SRSF11: variants seen among roughly 807,000 people sequenced by gnomAD.
The protein encoded by SRSF11 is serine and arginine rich splicing factor 11, also known as serine/arginine-rich splicing factor 11.
In SRSF11, 9 loss-of-function variants were observed where a neutral mutation model predicts 56.0. The ratio of observed to expected loss-of-function variants is 0.16; its 90% CI spans 0.10 to 0.28. The LOEUF (loss-of-function observed/expected upper bound fraction) is 0.28. SRSF11 is among the 10% of genes least tolerant of loss of function. The probability of loss-of-function intolerance (pLI) is 1.00; values close to 1 mark genes in which losing one functional copy is unlikely to be tolerated. For missense variants in SRSF11, 421 were observed against 600.7 expected (o/e 0.70, Z 3.13); for synonymous variants, 222 against 215.3 (o/e 1.03, Z -0.27).
rs576520376 is a variant in SRSF11 at position 70,232,744 on chromosome 1, T to C, written c.447+367T>C. ...CACAAGTGAGCCCTTCATTTTTTTT[T>C]CCTTCCCCTTTATCTTTTCCTGTTA... is the stretch of plus-strand genomic sequence containing the variant. On this transcript the variant is annotated intron_variant, in intron 3 of 11. Coordinates refer to ENST00000370949, the MANE Select transcript of SRSF11 (RefSeq NM_001350605.2). Among the ~76,000 whole-genome samples the C allele has an allele frequency of 2.0e-5, 3 of 152,294 alleles. No individual in the cohort carries two copies. The East Asian group carries it at 5.8e-4, about 29-fold the overall frequency.
intron 1 of SRSF11, among the ~76,000 whole-genome samples, chr1:70,223,793 C>T (rs571771480): frequency 3.3e-5 from 5 of 152,276 alleles, no homozygotes; most frequent in African/African-American, 4.8e-5. Context: ...GCACAAGTTG[C>T]ATATAGTTCC....
chr1:70,232,523 G>C, intron 3 of SRSF11, 146 bp downstream of exon 3: 1 of 619,686 alleles, frequency 1.6e-6, no homozygotes, highest in Non-Finnish European at 2.8e-6. Flanking sequence ...AAATAGTATA[G>C]AAGATCTCTT....
chr1:70,237,156 A>C (rs1674297892), intron 5 of SRSF11, among the ~76,000 whole-genome samples: 1 of 152,140 alleles, frequency 6.6e-6, no homozygotes, highest in South Asian at 2.1e-4. Context: ...CATTTCTAAA[A>C]ATGTGTTTGT....
Position 70,249,960 on chromosome 1 carries a change from G to A in SRSF11, c.1031G>A (p.Arg344Gln), listed in dbSNP as rs1376971005. 19 of 1,613,908 alleles carry A rather than the reference G, an allele frequency of 1.2e-5. No homozygotes were observed. Among genetic ancestry groups the A allele is most frequent in the Non-Finnish European group, 1.4e-5 (17 of 1,179,992 alleles). ...RRSRSASRER[R>Q]RRRSRSGTRS... ...CACATTTGTGATTCTAGAGAGAGAC[G>A]ACGACGAAGAAGCAGGAGTGGCACA... Residue 344 changes from arginine to glutamine, a missense_variant, in exon 10 of 12, where the codon CGA (arginine) becomes CAA (glutamine). This residue lies in a region of SRSF11 where 253 missense variants were observed against 305.8 expected (regional missense o/e 0.83). Transcript: ENST00000370949.
At chr1:70,219,928 A>C (rs1012787290), upstream of SRSF11, among the ~76,000 whole-genome samples, 3 of 152,240 alleles carry the variant, frequency 2.0e-5, no homozygotes, top group Non-Finnish European at 4.4e-5. Flanking sequence ...GATACTCTGT[A>C]AGGCTTCAAG....
In SRSF11 at chr1:70,251,063, C is replaced by A; in HGVS notation, c.*258C>A. ...TTACTATTCTGGTGCTGCTTCATAA[C>A]AAAAATGAAAAGCTGCATGCATCTA... On this transcript the variant is annotated 3_prime_UTR_variant, in exon 12 of 12. Transcript: ENST00000370949. 2.6e-6 allele frequency: 1 copy of A among 388,068 alleles called. No individual in the cohort carries two copies. Among genetic ancestry groups the A allele is most frequent in the Non-Finnish European group, 4.7e-6 (1 of 214,572 alleles). 24.0% of individuals were successfully genotyped at this position (388,068 alleles called of 1,614,324 possible). A position where few individuals can be genotyped will look rare whatever the true frequency, so the allele number is the denominator to read the frequency against.
chr1:70,208,202 C>T (rs1294988923), intron 1 of SRSF11, among the ~76,000 whole-genome samples: 1 of 152,054 alleles, frequency 6.6e-6, no homozygotes, highest in Non-Finnish European at 1.5e-5. Flanking sequence ...AGGAAAGTAT[C>T]TTCTGTTTAA....
rs141736459 is a variant in SRSF11 at position 70,213,064 on chromosome 1, T to C, written c.-26+7284T>C. 2.2e-3 allele frequency among the ~76,000 whole-genome samples: 333 copies of C among 152,224 alleles called. 2 individuals carry two copies. The highest frequency in any genetic ancestry group is 7.5e-3 in the African/African-American group (310 of 41,540). On this transcript the variant is annotated intron_variant, in intron 1 of 12. Coordinates refer to the SRSF11 transcript ENST00000370950. ...CAAGACCCTGCCTCAAAAAAAAATT[T>C]AAAAAGAAAAGATGAGGAAATTGGA...
chr1:70,242,722 TAGTA>T (rs915127786), intron 7 of SRSF11, among the ~76,000 whole-genome samples: 1 of 152,200 alleles, frequency 6.6e-6, no homozygotes, highest in African/African-American at 2.4e-5. Context: ...TCATATGAAC[TAGTA>T]AGTGTAGAAA....
chr1:70,210,022 A>G (rs1021888159), intron 1 of SRSF11, among the ~76,000 whole-genome samples: 8 of 151,770 alleles, frequency 5.3e-5, no homozygotes, highest in Admixed American at 4.6e-4. Flanking sequence ...ATTTTTTCTA[A>G]TGGAGAGAGT....
At chr1:70,230,247 G>A (rs1672589443) in intron 2 of SRSF11, 1 of 999,978 alleles carries the variant, frequency 1.0e-6, no homozygotes, top group Non-Finnish European at 1.2e-6. Context: ...ATAGAATTAG[G>A]GGAATATTTC....
intron 2 of SRSF11, chr1:70,228,828 C>G: frequency 6.3e-6 from 7 of 1,106,836 alleles, no homozygotes; most frequent in African/African-American, 1.6e-5. Context: ...CCCTGAGATA[C>G]ATCTACTTAG....
intron 2 of SRSF11, chr1:70,229,732 T>C (rs1571739031): frequency 2.3e-5 from 23 of 984,524 alleles, no homozygotes; most frequent in Non-Finnish European, 2.7e-5. Context: ...CACCATACCT[T>C]GTAAAAGTTG....
chr1:70,231,450 G>T (rs1012139079), intron 2 of SRSF11: 95 of 1,053,908 alleles, frequency 9.0e-5, no homozygotes, highest in Middle Eastern at 4.7e-4. Context: ...AGATATATAT[G>T]TCATTTTTGG....
chr1:70,247,059 C>A, intron 9 of SRSF11, 152 bp downstream of exon 9: 1 of 1,111,060 alleles, frequency 9.0e-7, no homozygotes, highest in Non-Finnish European at 1.2e-6. Flanking sequence ...TTTTAAAAGG[C>A]AATTTGTGAA....
intron 7 of SRSF11, among the ~76,000 whole-genome samples, chr1:70,244,255 C>T (rs946672026): frequency 7.0e-4 from 107 of 152,078 alleles, no homozygotes; most frequent in African/African-American, 2.5e-3. Context: ...TTATATATAG[C>T]GTGATATAAG....
intron 1 of SRSF11, chr1:70,222,860 A>G (rs560851355): frequency 6.6e-6 from 1 of 152,324 alleles, no homozygotes; most frequent in African/African-American, 2.4e-5. Context: ...TCATAATGAG[A>G]TATTTGTTAA....
At chr1:70,250,093 G>A (rs1553236812) in intron 10 of SRSF11, 46 bp downstream of exon 10, 24 of 1,542,210 alleles carry the variant, frequency 1.6e-5, no homozygotes, top group Non-Finnish European at 2.0e-5. Flanking sequence ...TTTTTCAGAG[G>A]TTTTTCATTT....
At chr1:70,226,049 G>A (rs2100663213) in intron 1 of SRSF11, among the ~76,000 whole-genome samples, 1 of 152,154 alleles carries the variant, frequency 6.6e-6, no homozygotes, top group East Asian at 1.9e-4. Context: ...AAATTAGCCG[G>A]ACGTGGTGGC....
Sources: gnomAD v4.1 joint callset for allele counts (sites outside exome capture counted in the v4.1 genomes callset) on GRCh38, gnomAD v4.1.1 for gene constraint, gnomAD v4.1.1 regional missense constraint, MANE v1.5 for transcripts, NCBI Gene and HGNC (gene_info 2026-07-23, HGNC 2026-07-21) for gene names.